RYR1: variants seen among roughly 807,000 people sequenced by gnomAD.
RYR1 encodes the protein ryanodine receptor 1.
Under a neutral mutation model 583.5 loss-of-function variants are expected in RYR1, and 342 were observed. That is an observed-to-expected ratio of 0.59 (90% confidence interval 0.54 to 0.64). RYR1 has a LOEUF of 0.64. RYR1 is among the 30% of genes least tolerant of loss of function. The probability of loss-of-function intolerance (pLI) is 0.00; values close to 1 mark genes in which losing one functional copy is unlikely to be tolerated. For synonymous variants in RYR1, 2,791 were observed against 2,822.5 expected, an observed-to-expected ratio of 0.99 and a Z score of 0.35; for missense variants, 6,032 against 6,917.2, an observed-to-expected ratio of 0.87 and a Z score of 4.54.
chr19:38,580,441 C>A lies in RYR1; in HGVS notation c.14583C>A (p.Arg4861=), dbSNP rs755854964. The change falls in exon 101 of 106, where the codon CGC becomes CGA. Residue 4861 remains arginine (R), a synonymous_variant. Coordinates refer to ENST00000359596, the MANE Select transcript of RYR1 (RefSeq NM_000540.3). ...CCGTGGTGGCCTTCAACTTCTTCCG[C>A]AAGTTCTACAACAAGAGCGAGGATG... ...LYTVVAFNFF[R]KFYNKSEDED... 5 of 1,614,026 alleles carry A rather than the reference C, an allele frequency of 3.1e-6. No individual in the cohort carries two copies. In the African/African-American group the frequency reaches 5.3e-5, roughly 17 times the overall value.
In RYR1 at chr19:38,534,218, A is replaced by T. The variant is rs185500435; in HGVS notation, c.11260-502A>T. Among the ~76,000 whole-genome samples the T allele has an allele frequency of 5.4e-4, 82 of 151,936 alleles. 1 individual carries two copies. In the South Asian group the frequency reaches 6.9e-3, roughly 13 times the overall value. Reference sequence around the variant, plus strand: ...AGTAGAGGCGGGGTTTCACTGTGTTAGCCAGGATAGTCTTGACCTCTTGAC... The same window carrying T: ...AGTAGAGGCGGGGTTTCACTGTGTTTGCCAGGATAGTCTTGACCTCTTGAC... On this transcript the variant is annotated intron_variant, in intron 78 of 105. Transcript: ENST00000359596.
At chr19:38,583,416 C>T (rs1441497884) in intron 101 of RYR1, among the ~76,000 whole-genome samples, 1 of 149,686 alleles carries the variant, frequency 6.7e-6, no homozygotes. Flanking sequence ...TGGTGGAGGT[C>T]GCAGTGAGCC....
At chr19:38,584,309 A>C (rs1288429044) in intron 101 of RYR1, among the ~76,000 whole-genome samples, 8 of 21,192 alleles carry the variant, frequency 3.8e-4, no homozygotes, top group African/African-American at 3.8e-4. Flanking sequence ...CCCCCCACCC[A>C]TCCCGGCCCT....
intron 82 of RYR1, among the ~76,000 whole-genome samples, 191 bp from the exon 83 acceptor site, chr19:38,536,559 C>T (rs1203766325): frequency 6.6e-6 from 1 of 151,414 alleles, no homozygotes; most frequent in East Asian, 1.9e-4. Context: ...ATTTCCTACC[C>T]TCTTCCCTGC....
rs924891897 is a variant in RYR1 at position 38,483,434 on chromosome 19, C to T, written c.4852C>T (p.Arg1618Cys). ...CCACTTCCTGCAGGTGGAGACGAGG[C>T]GTGCCGGCGAGCGGCTGGGCTGGGC... ...PNHFLQVETR[R>C]AGERLGWAVQ... The change falls in exon 33 of 106, where the codon CGT (arginine) becomes TGT (cysteine). Residue 1618 changes from arginine (R) to cysteine (C), a missense_variant. Physicochemically the swap from Arg to Cys is radical, Grantham distance 180 (BLOSUM62 -3). Around this residue, in one of 11 missense-constraint regions of RYR1, gnomAD observed 2,627 missense variants for 2,961.3 expected, o/e 0.89. Transcript: ENST00000359596. This position sits in a 1 kb window ranked among gnomAD's most constrained non-coding sequence, Gnocchi z 6.3. 26 of 1,576,356 alleles carry T rather than the reference C, an allele frequency of 1.6e-5. No individual in the cohort carries two copies. The highest frequency in any genetic ancestry group is 3.5e-5 in the South Asian group (3 of 86,162).
At chr19:38,485,223 G>A (rs979910625) in intron 33 of RYR1, among the ~76,000 whole-genome samples, 3 of 152,144 alleles carry the variant, frequency 2.0e-5, no homozygotes, top group Non-Finnish European at 4.4e-5. Context: ...CGAAGTCCCA[G>A]ACCATCCCAG....
chr19:38,505,241 C>T (rs1970388852), intron 52 of RYR1, 68 bp from the exon 53 acceptor site: 3 of 1,246,592 alleles, frequency 2.4e-6, no homozygotes, highest in Non-Finnish European at 2.3e-6. Context: ...GTCCTCGGCT[C>T]CTCCAGGGTC....
At chr19:38,528,496 A>T in intron 74 of RYR1, 78 bp downstream of exon 74, 2 of 1,590,548 alleles carry the variant, frequency 1.3e-6, no homozygotes, top group African/African-American at 2.7e-5. Flanking sequence ...ATGGAGGGCC[A>T]ACGTGATGGG....
chr19:38,508,360 C>T (rs577260874), intron 58 of RYR1, among the ~76,000 whole-genome samples: 28 of 152,128 alleles, frequency 1.8e-4, no homozygotes, highest in African/African-American at 3.6e-4. Context: ...CAGGCACGGG[C>T]GCCGCCACAC....
At position 38,447,519 on chromosome 19, in the gene RYR1, C is replaced by T. The variant is rs11880285; in HGVS notation, c.800+751C>T. 3.5e-3 allele frequency among the ~76,000 whole-genome samples: 535 copies of T among 151,100 alleles called. 1 individual carries two copies. The highest frequency in any genetic ancestry group is 0.012 in the African/African-American group (512 of 41,116). ...TTGCACCATTGCATTCCAGCCTGGG[C>T]GACAGAGCGAGACTCCATCTCAAAA... On this transcript the variant is annotated intron_variant, in intron 9 of 105. Transcript: ENST00000359596.
intron 30 of RYR1, 77 bp from the exon 31 acceptor site, chr19:38,478,358 G>A: frequency 6.5e-7 from 1 of 1,535,558 alleles, no homozygotes; most frequent in East Asian, 2.3e-5. Context: ...TGTGTTTCCG[G>A]GAGCTTGGGG....
chr19:38,521,244 T>A (rs1971214089), intron 67 of RYR1, among the ~76,000 whole-genome samples: 1 of 151,434 alleles, frequency 6.6e-6, no homozygotes, highest in Non-Finnish European at 1.5e-5. Context: ...CAGTGAGCTA[T>A]GATCACACCG....
chr19:38,437,257 G>T (rs756434926), intron 1 of RYR1, among the ~76,000 whole-genome samples: 33 of 151,834 alleles, frequency 2.2e-4, no homozygotes, highest in Non-Finnish European at 1.2e-4. Flanking sequence ...CACCATGTTG[G>T]CCAGGCTGGT....
At position 38,455,768 on chromosome 19, in the gene RYR1, T is replaced by C; in HGVS notation, c.1791+17T>C. On this transcript the variant is annotated intron_variant, in intron 16 of 105. Transcript: ENST00000359596. ...AACCACAAGGTCGGCCCCTCACCCC[T>C]GACCTCTCATCCCCTGAACTCTGAA... 1.4e-6 allele frequency: 2 copies of C among 1,463,700 alleles called. No individual in the cohort carries two copies. Among genetic ancestry groups the C allele is most frequent in the African/African-American group, 2.8e-5 (2 of 71,882 alleles). 90.7% of individuals were successfully genotyped at this position (1,463,700 alleles called of 1,614,324 possible).
chr19:38,565,003 G>A lies in RYR1; in HGVS notation c.12669G>A (p.Glu4223=), dbSNP rs1419241469. 6.3e-7 allele frequency: 1 copy of A among 1,593,066 alleles called. No homozygotes were observed. The highest frequency in any genetic ancestry group is 1.7e-4 in the Middle Eastern group (1 of 5,964). The change falls in exon 91 of 106, where the codon GAG becomes GAA. Residue 4223 remains glutamate (E), a synonymous_variant. Transcript: ENST00000359596. The surrounding 1 kb of genome is among the most constrained non-coding windows in gnomAD (Gnocchi z 4.7). ...AGTTCATCTTCGACGTGGTGAACGA[G>A]GGCGGCGAGGCTGAGAAGATGGAGC... The part of the protein sequence containing the change: ...KRQFIFDVVN[E]GGEAEKMELF...
chr19:38,479,434 G>T (rs942468999), intron 31 of RYR1, among the ~76,000 whole-genome samples: 3 of 151,990 alleles, frequency 2.0e-5, no homozygotes, highest in Non-Finnish European at 4.4e-5. Context: ...TTGAGACAGG[G>T]CCTCACTCTG....
chr19:38,444,433 G>T lies in RYR1; in HGVS notation c.538-151G>T. 1.2e-6 allele frequency: 1 copy of T among 848,596 alleles called. No homozygotes were observed. 52.6% of individuals were successfully genotyped at this position (848,596 alleles called of 1,614,324 possible). On this transcript the variant is annotated intron_variant, in intron 6 of 105. Coordinates refer to ENST00000359596, the MANE Select transcript of RYR1 (RefSeq NM_000540.3). The surrounding 1 kb of genome is among the most constrained non-coding windows in gnomAD (Gnocchi z 5.1). ...TCTGATTTCTGACCTCCCATTGCCC[G>T]ACTTGATCATTTCCTGATCTGTGAT... is the stretch of plus-strand genomic sequence containing the variant.
chr19:38,518,112 C>T (rs1438174822), intron 66 of RYR1, among the ~76,000 whole-genome samples: 1 of 151,266 alleles, frequency 6.6e-6, no homozygotes, highest in Non-Finnish European at 1.5e-5. Context: ...GAGTGAGATA[C>T]TCTCTCAAAA....
intron 93 of RYR1, among the ~76,000 whole-genome samples, chr19:38,569,046 TGTTGCCCAG>T (rs959703282): frequency 5.9e-5 from 9 of 151,938 alleles, no homozygotes; most frequent in African/African-American, 1.9e-4. Context: ...AGTCTCGCTC[TGTTGCCCAG>T]GTTGGAGTGC....
Sources: allele counts gnomAD v4.1 joint callset (sites outside exome capture counted in the v4.1 genomes callset), GRCh38; gene constraint gnomAD v4.1.1; regional missense constraint gnomAD v4.1.1; non-coding constraint Gnocchi (gnomAD v3.1); transcripts MANE v1.5; gene names NCBI Gene and HGNC (gene_info 2026-07-23, HGNC 2026-07-21).